Variants in SMARCC1 observed in about 807,000 individuals in gnomAD.
The protein encoded by SMARCC1 is SWI/SNF related BAF chromatin remodeling complex subunit C1, also known as SWI/SNF complex subunit SMARCC1.
In SMARCC1, 43 loss-of-function variants were observed where a neutral mutation model predicts 147.4. The observed-to-expected ratio is 0.29, with a 90% CI of 0.23 to 0.38. SMARCC1 has a LOEUF of 0.38. SMARCC1 is among the 10% of genes least tolerant of loss of function. SMARCC1 has a pLI of 1.00. For synonymous variants in SMARCC1, 495 were observed against 484.4 expected, an observed-to-expected ratio of 1.02 and a Z score of -0.29; for missense variants, 1,119 against 1,381.1, an observed-to-expected ratio of 0.81 and a Z score of 3.01.
In SMARCC1 at chr3:47,781,632, G is replaced by GCACCGAATCCAGCTGGGA. The variant is rs2035049786; in HGVS notation, c.148_165dup (p.Ser50_Val55dup). 6.4e-7 allele frequency: 1 copy of GCACCGAATCCAGCTGGGA among 1,551,442 alleles called. No individual in the cohort carries two copies. The highest frequency in any genetic ancestry group is 8.7e-7 in the Non-Finnish European group (1 of 1,152,662). ...TTGTAGTGCTTGCCCAGCCAGACCCGCACCGAATCCAGCTGGGACACCGTC... is the reference window on the plus strand; with the variant it reads ...TTGTAGTGCTTGCCCAGCCAGACCCGCACCGAATCCAGCTGGGACACCGAATCCAGCTGGGACACCGTC... On this transcript the variant is annotated inframe_insertion, in exon 1 of 28. Coordinates refer to ENST00000254480, the MANE Select transcript of SMARCC1 (RefSeq NM_003074.4).
chr3:47,596,910 T>G (rs1214189437), intron 26 of SMARCC1, among the ~76,000 whole-genome samples: 2 of 150,706 alleles, frequency 1.3e-5, no homozygotes, highest in Non-Finnish European at 3.0e-5. Flanking sequence ...AGAGATGAGG[T>G]CTTGGCTAGG....
chr3:47,615,198 T>C (rs375223919), intron 25 of SMARCC1, among the ~76,000 whole-genome samples: 2 of 152,220 alleles, frequency 1.3e-5, no homozygotes, highest in Non-Finnish European at 2.9e-5. Context: ...TAATACCTTA[T>C]TACTTATAAA....
intron 21 of SMARCC1, among the ~76,000 whole-genome samples, chr3:47,641,324 A>C (rs1222293222): frequency 6.6e-6 from 1 of 152,068 alleles, no homozygotes; most frequent in East Asian, 1.9e-4. Flanking sequence ...CCGTGTCCAC[A>C]AACTATACAA....
intron 2 of SMARCC1, among the ~76,000 whole-genome samples, chr3:47,753,371 T>G (rs2034650099): frequency 6.8e-6 from 1 of 146,198 alleles, no homozygotes; most frequent in Admixed American, 6.9e-5. Context: ...TCTACTACAA[T>G]AATTTGTGCC....
intron 2 of SMARCC1, among the ~76,000 whole-genome samples, chr3:47,749,554 C>T (rs968037795): frequency 1.3e-5 from 2 of 151,596 alleles, no homozygotes; most frequent in Admixed American, 6.6e-5. Context: ...GTGGTCCCAG[C>T]AACTCAGGAG....
At chr3:47,591,884 C>T (rs1001730088) in intron 26 of SMARCC1, among the ~76,000 whole-genome samples, 3 of 152,154 alleles carry the variant, frequency 2.0e-5, no homozygotes, top group Non-Finnish European at 2.9e-5. Flanking sequence ...GTATTCAATA[C>T]TGTTGTTCAA....
chr3:47,753,074 T>C (rs2034645589), intron 2 of SMARCC1, among the ~76,000 whole-genome samples: 1 of 152,142 alleles, frequency 6.6e-6, no homozygotes, highest in Admixed American at 6.6e-5. Flanking sequence ...GGCCGGGCAC[T>C]ACGGCTCACG....
intron 18 of SMARCC1, among the ~76,000 whole-genome samples, chr3:47,671,196 A>AAACAAAAAAAAC (rs1553682000): frequency 8.6e-5 from 7 of 81,146 alleles, no homozygotes; most frequent in Admixed American, 1.8e-4. Context: ...AAAAAAAAAA[A>AAACAAAAAAAAC]AACACACACA....
chr3:47,655,622 G>A (rs1319019184), intron 21 of SMARCC1, among the ~76,000 whole-genome samples: 1 of 151,988 alleles, frequency 6.6e-6, no homozygotes, highest in Non-Finnish European at 1.5e-5. Context: ...GCTTGAGCCT[G>A]GGAGGTGGAG....
At chr3:47,748,823 A>C (rs1405070820) in intron 2 of SMARCC1, among the ~76,000 whole-genome samples, 1 of 152,154 alleles carries the variant, frequency 6.6e-6, no homozygotes, top group Non-Finnish European at 1.5e-5. Flanking sequence ...AAAAGACAAA[A>C]AGCAGAATGG....
intron 8 of SMARCC1, among the ~76,000 whole-genome samples, chr3:47,712,925 G>A (rs1397391845): frequency 2.0e-5 from 3 of 152,054 alleles, no homozygotes; most frequent in East Asian, 1.9e-4. Context: ...AAATCCTTCA[G>A]TAGTACTTCA....
chr3:47,772,701 GC>G, intron 2 of SMARCC1, 115 bp downstream of exon 2: 2 of 978,412 alleles, frequency 2.0e-6, no homozygotes, highest in Non-Finnish European at 1.5e-6. Context: ...TTTGTTTTTT[GC>G]TTTTTTTTTT....
In SMARCC1 at chr3:47,585,428, T is replaced by C. The variant is rs1203274067; in HGVS notation, c.*2781A>G. 6.6e-6 allele frequency: 1 copy of C among 152,194 alleles called. No homozygotes were observed. Among genetic ancestry groups the C allele is most frequent in the Non-Finnish European group, 1.5e-5 (1 of 68,022 alleles). The allele number at this position is 152,194 out of a possible 1,614,324, so 9.4% of individuals were successfully genotyped here. ...TCATCTCATGGCAGACACAGAATCCTCTTCTTTTGCTTCACTCGATTTATA... is the reference window on the plus strand; with the variant it reads ...TCATCTCATGGCAGACACAGAATCCCCTTCTTTTGCTTCACTCGATTTATA... On this transcript the variant is annotated 3_prime_UTR_variant, in exon 28 of 28. Coordinates refer to ENST00000254480, the MANE Select transcript of SMARCC1 (RefSeq NM_003074.4).
rs2106829327 is a variant in SMARCC1 at position 47,736,144 on chromosome 3, A to C, written c.484-18T>G. Reference sequence around the variant, plus strand: ...CAATTGTTCTGAGGATGAAAAGAACAGACTTTCAAATTCTCTTAGTTTTGA... The same window carrying C: ...CAATTGTTCTGAGGATGAAAAGAACCGACTTTCAAATTCTCTTAGTTTTGA... On this transcript the variant is annotated intron_variant, in intron 4 of 27. Coordinates refer to ENST00000254480, the MANE Select transcript of SMARCC1 (RefSeq NM_003074.4). The C allele has an allele frequency of 1.5e-6, 2 of 1,359,378 alleles. No individual in the cohort carries two copies. The highest frequency in any genetic ancestry group is 2.1e-6 in the Non-Finnish European group (2 of 964,490). 84.2% of individuals were successfully genotyped at this position (1,359,378 alleles called of 1,614,324 possible). A position where few individuals can be genotyped will look rare whatever the true frequency, so the allele number is the denominator to read the frequency against.
intron 25 of SMARCC1, among the ~76,000 whole-genome samples, chr3:47,621,117 T>C (rs1441220866): frequency 1.3e-5 from 2 of 151,952 alleles, no homozygotes; most frequent in African/African-American, 2.4e-5. Context: ...CTGGCCAACA[T>C]GGTGAAACCC....
chr3:47,716,342 T>C (rs1356445947), intron 7 of SMARCC1, among the ~76,000 whole-genome samples: 1 of 134,552 alleles, frequency 7.4e-6, no homozygotes, highest in Non-Finnish European at 1.5e-5. Flanking sequence ...CGCATGAACC[T>C]GGGAGGTGGA....
chr3:47,640,000 CAAAT>C (rs1232879273), intron 21 of SMARCC1, among the ~76,000 whole-genome samples: 1 of 151,882 alleles, frequency 6.6e-6, no homozygotes, highest in Non-Finnish European at 1.5e-5. Flanking sequence ...CAACAAATTT[CAAAT>C]AACCACTACC....
Position 47,620,826 on chromosome 3 carries a change from T to C in SMARCC1, c.2781+1381A>G, listed in dbSNP as rs190658928. Among the ~76,000 whole-genome samples, 8 of 152,294 alleles carry C rather than the reference T, an allele frequency of 5.3e-5. No individual in the cohort carries two copies. The East Asian group carries it at 1.5e-3, about 29-fold the overall frequency. On this transcript the variant is annotated intron_variant, in intron 25 of 27. Transcript: ENST00000254480. ...CTCAAGATGAGATTAAGTTCTCCTT[T>C]CTAGTATTTATTTTGAAGAAGTCAG...
At chr3:47,718,173 G>A (rs1035858894) in intron 7 of SMARCC1, among the ~76,000 whole-genome samples, 9 of 147,114 alleles carry the variant, frequency 6.1e-5, no homozygotes, top group Admixed American at 2.0e-4. Flanking sequence ...GGCCAGGCAC[G>A]GTGGCTCACA....
Sources: gnomAD v4.1 joint callset for allele counts (sites outside exome capture counted in the v4.1 genomes callset) on GRCh38, gnomAD v4.1.1 for gene constraint, MANE v1.5 for transcripts, NCBI Gene and HGNC (gene_info 2026-07-23, HGNC 2026-07-21) for gene names.